The following TAOK1 variants were observed in gnomAD, a reference collection of about 807,000 sequenced individuals.
TAOK1 encodes the protein serine/threonine-protein kinase TAO1.
TAOK1 carries 21 observed loss-of-function variants against 138.3 expected under a neutral mutation model. The ratio of observed to expected loss-of-function variants is 0.15; its 90% CI spans 0.11 to 0.22. The LOEUF (loss-of-function observed/expected upper bound fraction) is 0.22. TAOK1 is among the 10% of genes least tolerant of loss of function. TAOK1 has a pLI of 1.00. For synonymous variants in TAOK1, 361 were observed against 398.4 expected, an observed-to-expected ratio of 0.91 and a Z score of 1.12; for missense variants, 651 against 1,227.7, an observed-to-expected ratio of 0.53 and a Z score of 7.02.
At position 29,547,599 on chromosome 17, in the gene TAOK1, G is replaced by A. The variant is rs2032422183; in HGVS notation, c.*4577G>A. ...ATAAGTGTGAATCTCCTATAATGAT[G>A]GAAGAAGAGGTTCTCTTGTCTTAGA... is the stretch of plus-strand genomic sequence containing the variant. On this transcript the variant is annotated 3_prime_UTR_variant, in exon 20 of 20. Coordinates refer to ENST00000261716, the MANE Select transcript of TAOK1 (RefSeq NM_020791.4). 6.6e-6 allele frequency: 1 copy of A among 152,044 alleles called. No individual in the cohort carries two copies. The highest frequency in any genetic ancestry group is 2.4e-5 in the African/African-American group (1 of 41,392). 9.4% of individuals were successfully genotyped at this position (152,044 alleles called of 1,614,324 possible).
At chr17:29,525,097 G>GTT (rs71138829) in intron 17 of TAOK1, among the ~76,000 whole-genome samples, 34 of 151,476 alleles carry the variant, frequency 2.2e-4, no homozygotes, top group Non-Finnish European at 2.2e-4. Flanking sequence ...CACAATGTTT[G>GTT]TTTTTTTTGT....
chr17:29,535,841 C>T (rs554436348), intron 19 of TAOK1, among the ~76,000 whole-genome samples: 5 of 151,946 alleles, frequency 3.3e-5, no homozygotes, highest in African/African-American at 7.2e-5. Flanking sequence ...GGTTACAAAG[C>T]GAGACCCTGT....
chr17:29,419,451 C>G lies in TAOK1; in HGVS notation c.-95+28427C>G, dbSNP rs750091477. Among the ~76,000 whole-genome samples the G allele has an allele frequency of 2.6e-4, 40 of 151,834 alleles. 1 individual carries two copies. Among genetic ancestry groups the G allele is most frequent in the Admixed American group, 3.9e-4 (6 of 15,244 alleles). ...CATCAATTGATCCACCCGCCTCGGC[C>G]TCCCAAAGTGCTGGGAATGTGAGCC... On this transcript the variant is annotated intron_variant, in intron 1 of 19. Transcript: ENST00000261716.
rs765173532 is a variant in TAOK1 at position 29,397,837 on chromosome 17, G to GTA, written c.-95+6825_-95+6826dup. ...TATGTATATACATGTATATATATGT[G>GTA]TATATATATATATGTATGTCACCAT... On this transcript the variant is annotated intron_variant, in intron 1 of 19. Coordinates refer to ENST00000261716, the MANE Select transcript of TAOK1 (RefSeq NM_020791.4). Among the ~76,000 whole-genome samples the GTA allele has an allele frequency of 4.8e-3, 707 of 147,530 alleles. 4 individuals are homozygous for GTA. The highest frequency in any genetic ancestry group is 9.3e-3 in the African/African-American group (360 of 38,618).
chr17:29,505,680 G>A (rs1458991418), intron 13 of TAOK1, among the ~76,000 whole-genome samples: 1 of 151,180 alleles, frequency 6.6e-6, no homozygotes, highest in Admixed American at 6.6e-5. Flanking sequence ...CCAGCCTGGG[G>A]GACAAGAGCA....
At chr17:29,441,426 A>G (rs540779722) in intron 1 of TAOK1, among the ~76,000 whole-genome samples, 19 of 152,236 alleles carry the variant, frequency 1.2e-4, no homozygotes, top group East Asian at 1.9e-4. Context: ...TGTTTTATCA[A>G]TGTCTTTACT....
At chr17:29,465,766 A>G (rs980156469) in intron 2 of TAOK1, among the ~76,000 whole-genome samples, 2 of 126,006 alleles carry the variant, frequency 1.6e-5, no homozygotes, top group African/African-American at 3.1e-5. Context: ...CTTTCTTAAT[A>G]GTTATTTTTT....
intron 19 of TAOK1, among the ~76,000 whole-genome samples, chr17:29,541,771 G>T (rs561916128): frequency 6.7e-6 from 1 of 150,190 alleles, no homozygotes; most frequent in Non-Finnish European, 1.5e-5. Flanking sequence ...GCAAGACTCC[G>T]TCTCAAAAAA....
At chr17:29,414,060 T>G (rs1905210091) in intron 1 of TAOK1, among the ~76,000 whole-genome samples, 1 of 151,676 alleles carries the variant, frequency 6.6e-6, no homozygotes, top group South Asian at 2.1e-4. Context: ...TTTTTTTGTA[T>G]TTTTAGTAGA....
chr17:29,493,348 G>T (rs1475669544), intron 10 of TAOK1, among the ~76,000 whole-genome samples: 1 of 151,872 alleles, frequency 6.6e-6, no homozygotes, highest in Non-Finnish European at 1.5e-5. Flanking sequence ...TACAAAATTA[G>T]CCGGACGTGG....
chr17:29,518,402 C>T (rs2031856466), intron 16 of TAOK1, among the ~76,000 whole-genome samples: 1 of 152,176 alleles, frequency 6.6e-6, no homozygotes, highest in South Asian at 2.1e-4. Flanking sequence ...TGAATATTGC[C>T]TGAGCCCAGG....
At chr17:29,498,563 A>C (rs766626108) in intron 12 of TAOK1, 42 bp downstream of exon 12, 1 of 1,598,380 alleles carries the variant, frequency 6.3e-7, no homozygotes, top group Admixed American at 1.7e-5. Flanking sequence ...AATGTTGGTA[A>C]ACTGTTTTCT....
chr17:29,510,822 T>A, intron 14 of TAOK1, 42 bp from the exon 15 acceptor site: 2 of 1,453,144 alleles, frequency 1.4e-6, no homozygotes, highest in Non-Finnish European at 1.9e-6. Flanking sequence ...CACTACTTTA[T>A]CTACTTAACT....
At chr17:29,416,854 G>A (rs1442588121) in intron 1 of TAOK1, among the ~76,000 whole-genome samples, 1 of 152,036 alleles carries the variant, frequency 6.6e-6, no homozygotes, top group African/African-American at 2.4e-5. Context: ...AGTTTATTTA[G>A]TCAATATTTG....
At chr17:29,501,603 C>T (rs1327718379) in intron 12 of TAOK1, among the ~76,000 whole-genome samples, 2 of 152,108 alleles carry the variant, frequency 1.3e-5, no homozygotes, top group African/African-American at 2.4e-5. Context: ...TCCATTGCTT[C>T]CAAAACCCAA....
intron 1 of TAOK1, among the ~76,000 whole-genome samples, chr17:29,401,089 T>A (rs189477401): frequency 5.1e-4 from 77 of 151,860 alleles, no homozygotes; most frequent in Middle Eastern, 3.4e-3. Context: ...TTTGAAAAAA[T>A]TTTTTTGTGC....
intron 1 of TAOK1, among the ~76,000 whole-genome samples, chr17:29,414,321 C>T (rs898791255): frequency 4.6e-5 from 7 of 152,146 alleles, no homozygotes; most frequent in African/African-American, 1.7e-4. Flanking sequence ...ATGATCCCAG[C>T]TCACTGCAAC....
rs1258191587 is a variant in TAOK1, at chr17:29,547,791, GACTC to G, written c.*4778_*4781del. On this transcript the variant is annotated 3_prime_UTR_variant, in exon 20 of 20. Transcript: ENST00000261716. ...GGTTGTAGCATTGCCTTTTAAAAGA[GACTC>G]ACTCACTCTTAGTTTTTAAGAACTG... 1 of 152,004 alleles carries G rather than the reference GACTC, an allele frequency of 6.6e-6. No individual in the cohort carries two copies. Among genetic ancestry groups the G allele is most frequent in the Non-Finnish European group, 1.5e-5 (1 of 67,948 alleles). 9.4% of individuals were successfully genotyped at this position (152,004 alleles called of 1,614,324 possible).
At chr17:29,473,829 C>T (rs895050722) in intron 3 of TAOK1, among the ~76,000 whole-genome samples, 7 of 151,934 alleles carry the variant, frequency 4.6e-5, no homozygotes, top group East Asian at 2.0e-4. Context: ...TGGGTTCAAA[C>T]GATTCTCCTT....
Sources: gnomAD v4.1 joint callset for allele counts (sites outside exome capture counted in the v4.1 genomes callset) on GRCh38, gnomAD v4.1.1 for gene constraint, MANE v1.5 for transcripts, NCBI Gene and HGNC (gene_info 2026-07-23, HGNC 2026-07-21) for gene names.